CCBE1: variants seen among roughly 807,000 people sequenced by gnomAD.
CCBE1 encodes collagen and calcium binding EGF domains 1, also known as collagen and calcium-binding EGF domain-containing protein 1.
Under a neutral mutation model 50.0 loss-of-function variants are expected in CCBE1, and 37 were observed. That is an observed-to-expected ratio of 0.74 (90% CI 0.57 to 0.97). CCBE1 has a LOEUF of 0.97. CCBE1 is among the 50% of genes least tolerant of loss of function. The probability of loss-of-function intolerance (pLI) is 0.00; values close to 1 mark genes in which losing one functional copy is unlikely to be tolerated. For synonymous variants in CCBE1, 234 were observed against 203.7 expected, an observed-to-expected ratio of 1.15 and a Z score of -1.27; for missense variants, 538 against 523.8, an observed-to-expected ratio of 1.03 and a Z score of -0.26.
At chr18:59,635,404 ATAAGGGAAAAC>A (rs765830377) in intron 2 of CCBE1, among the ~76,000 whole-genome samples, 1 of 142,022 alleles carries the variant, frequency 7.0e-6, no homozygotes, top group African/African-American at 3.0e-5. Context: ...GAAAACTGAA[ATAAGGGAAAAC>A]TGAAATAAGG....
At chr18:59,543,847 A>AAAAAAAAAAAAAAAAAAAAAAAAAAC (rs1915576051) in intron 2 of CCBE1, among the ~76,000 whole-genome samples, 1 of 78,532 alleles carries the variant, frequency 1.3e-5, no homozygotes, top group African/African-American at 4.6e-5. Flanking sequence ...AAAAAAAAAA[A>AAAAAAAAAAAAAAAAAAAAAAAAAAC]AAAAAAAAAA....
At chr18:59,633,122 C>A in intron 2 of CCBE1, among the ~76,000 whole-genome samples, 1 of 152,130 alleles carries the variant, frequency 6.6e-6, no homozygotes, top group Non-Finnish European at 1.5e-5. Context: ...TTTGGGAGCT[C>A]GCAGGGAGAG....
chr18:59,658,809 A>G (rs886484700), intron 2 of CCBE1, among the ~76,000 whole-genome samples: 1 of 133,490 alleles, frequency 7.5e-6, no homozygotes, highest in East Asian at 2.5e-4. Context: ...GAACCCGGGC[A>G]GTGGAGTTTG....
intron 2 of CCBE1, 122 bp downstream of exon 2, chr18:59,696,507 A>C: frequency 6.4e-7 from 1 of 1,560,024 alleles, no homozygotes; most frequent in Non-Finnish European, 8.6e-7. Flanking sequence ...CGCACCCAGC[A>C]GGTTCCAGCG....
At chr18:59,481,830 C>G (rs1426462410) in intron 2 of CCBE1, among the ~76,000 whole-genome samples, 2 of 152,118 alleles carry the variant, frequency 1.3e-5, no homozygotes, top group African/African-American at 4.8e-5. Flanking sequence ...CAGGAGATGA[C>G]ACTAGAGGGA....
At chr18:59,657,661 C>T (rs147275911) in intron 2 of CCBE1, among the ~76,000 whole-genome samples, 169 of 152,282 alleles carry the variant, frequency 1.1e-3, no homozygotes, top group African/African-American at 3.8e-3. Flanking sequence ...GGATCTGAGG[C>T]GGACAGATCA....
At chr18:59,551,638 T>C (rs555193386) in intron 2 of CCBE1, among the ~76,000 whole-genome samples, 215 of 152,350 alleles carry the variant, frequency 1.4e-3, no homozygotes, top group African/African-American at 4.9e-3. Context: ...CTAATTATTT[T>C]TTCACTACTG....
chr18:59,470,802 C>A (rs921623694), intron 3 of CCBE1, among the ~76,000 whole-genome samples: 2 of 152,136 alleles, frequency 1.3e-5, no homozygotes, highest in East Asian at 1.9e-4. Flanking sequence ...GGACACAGAG[C>A]GAGTCTGGCT....
At chr18:59,695,584 G>T (rs1385096737) in intron 2 of CCBE1, among the ~76,000 whole-genome samples, 1 of 152,114 alleles carries the variant, frequency 6.6e-6, no homozygotes, top group African/African-American at 2.4e-5. Flanking sequence ...TGACAGCCGT[G>T]GAACCACTTG....
chr18:59,472,905 G>A (rs113139053), intron 3 of CCBE1, among the ~76,000 whole-genome samples: 3,275 of 152,334 alleles, frequency 0.021, 104 homozygotes, highest in African/African-American at 0.073. Flanking sequence ...AGACAAGAGA[G>A]AGCTTGTGCA....
chr18:59,663,031 TG>T (rs1291914393), intron 2 of CCBE1, among the ~76,000 whole-genome samples: 1 of 122,466 alleles, frequency 8.2e-6, no homozygotes, highest in African/African-American at 3.9e-5. Flanking sequence ...TTAAAAAAAG[TG>T]AAAATACAAT....
At chr18:59,563,613 C>T in intron 2 of CCBE1, 1 of 152,218 alleles carries the variant, frequency 6.6e-6, no homozygotes, top group East Asian at 1.9e-4. Flanking sequence ...CGCCTGGAAG[C>T]TCAGCACCAG....
intron 2 of CCBE1, among the ~76,000 whole-genome samples, chr18:59,694,431 T>A (rs1265791793): frequency 2.0e-5 from 1 of 50,200 alleles, no homozygotes; most frequent in Non-Finnish European, 4.2e-5. Context: ...GAGAGCTAAC[T>A]GTTTGGTCAA....
chr18:59,624,656 T>G (rs1325021417), intron 2 of CCBE1, among the ~76,000 whole-genome samples: 2 of 152,042 alleles, frequency 1.3e-5, no homozygotes, highest in East Asian at 1.9e-4. Flanking sequence ...CAAGTACAAG[T>G]GCGGTTGTTT....
intron 2 of CCBE1, chr18:59,696,388 G>C (rs1245990106): frequency 3.9e-6 from 4 of 1,038,244 alleles, no homozygotes; most frequent in Non-Finnish European, 1.3e-6. Context: ...TTCAGGGAGC[G>C]GCAACCATCC....
intron 2 of CCBE1, among the ~76,000 whole-genome samples, chr18:59,484,825 A>T (rs1286569424): frequency 1.3e-5 from 2 of 152,242 alleles, no homozygotes; most frequent in African/African-American, 4.8e-5. Context: ...TGAAACACCC[A>T]TCAATCATAA....
chr18:59,653,270 AG>A (rs1354873480), intron 2 of CCBE1, among the ~76,000 whole-genome samples: 1 of 152,234 alleles, frequency 6.6e-6, no homozygotes, highest in Non-Finnish European at 1.5e-5. Context: ...GAACCAAACC[AG>A]GCTTCTCAAT....
chr18:59,474,186 G>T (rs113385083), intron 3 of CCBE1, among the ~76,000 whole-genome samples: 3 of 152,102 alleles, frequency 2.0e-5, no homozygotes, highest in African/African-American at 7.2e-5. Flanking sequence ...TGAATAGCAC[G>T]GTGATGAACA....
intron 2 of CCBE1, among the ~76,000 whole-genome samples, chr18:59,623,021 G>A (rs1265104539): frequency 6.6e-6 from 1 of 152,016 alleles, no homozygotes; most frequent in Non-Finnish European, 1.5e-5. Flanking sequence ...GTAGACTTTG[G>A]GTAATAATGA....
Sources: allele counts gnomAD v4.1 joint callset (sites outside exome capture counted in the v4.1 genomes callset), GRCh38; gene constraint gnomAD v4.1.1; transcripts MANE v1.5; gene names NCBI Gene and HGNC (gene_info 2026-07-23, HGNC 2026-07-21).